CNTNAP2: variants seen among roughly 807,000 people sequenced by gnomAD.
CNTNAP2 encodes the protein contactin-associated protein-like 2.
Under a neutral mutation model 155.2 loss-of-function variants are expected in CNTNAP2, and 98 were observed. That is an observed-to-expected ratio of 0.63 (90% CI 0.54 to 0.75). The LOEUF (loss-of-function observed/expected upper bound fraction) is 0.75. Ranked by LOEUF, CNTNAP2 falls within the 30% of genes least tolerant of loss-of-function variation. The pLI, the probability that CNTNAP2 is intolerant of heterozygous loss-of-function variation, is 0.00. For synonymous variants in CNTNAP2, 651 were observed against 631.2 expected (o/e 1.03, Z -0.47); for missense variants, 1,727 against 1,688.1 (o/e 1.02, Z -0.40).
intron 1 of CNTNAP2, among the ~76,000 whole-genome samples, chr7:146,308,414 G>A (rs1165481171): frequency 6.6e-6 from 1 of 152,204 alleles, no homozygotes; most frequent in Non-Finnish European, 1.5e-5. Context: ...GTGGAAGACA[G>A]TGTGGCGATT....
intron 3 of CNTNAP2, among the ~76,000 whole-genome samples, chr7:146,904,443 C>A (rs1368869500): frequency 2.0e-4 from 30 of 152,122 alleles, no homozygotes; most frequent in Admixed American, 2.0e-3. Flanking sequence ...AGAAGACATT[C>A]AAACTTTGTT....
chr7:147,430,459 C>T (rs111372438), intron 10 of CNTNAP2, among the ~76,000 whole-genome samples: 3,231 of 152,234 alleles, frequency 0.021, 114 homozygotes, highest in African/African-American at 0.073. Flanking sequence ...AAAGTATTCT[C>T]AGAGGTACAT....
At chr7:147,949,855 G>T (rs780230242) in intron 14 of CNTNAP2, among the ~76,000 whole-genome samples, 20 of 152,070 alleles carry the variant, frequency 1.3e-4, no homozygotes, top group Non-Finnish European at 2.5e-4. Context: ...TTGAATTGAG[G>T]TCCAGGTAGA....
intron 12 of CNTNAP2, among the ~76,000 whole-genome samples, chr7:147,604,056 T>C (rs112005247): frequency 5.3e-5 from 8 of 151,740 alleles, no homozygotes; most frequent in Admixed American, 6.6e-5. Flanking sequence ...CCTTACACCT[T>C]ATACAAAAAT....
intron 1 of CNTNAP2, among the ~76,000 whole-genome samples, chr7:146,370,260 T>TAAAAAAA (rs34996621): frequency 5.7e-5 from 5 of 87,598 alleles, no homozygotes; most frequent in African/African-American, 2.6e-4. Context: ...ATCTCTACTT[T>TAAAAAAA]AAAAAAAAAA....
chr7:146,238,919 A>T (rs1359691620), intron 1 of CNTNAP2, among the ~76,000 whole-genome samples: 1 of 152,188 alleles, frequency 6.6e-6, no homozygotes. Flanking sequence ...AGCATGGGGG[A>T]AACCACGCCC....
chr7:147,535,147 C>T (rs1051033303), intron 11 of CNTNAP2, among the ~76,000 whole-genome samples: 3 of 152,210 alleles, frequency 2.0e-5, no homozygotes, highest in African/African-American at 7.2e-5. Context: ...AATCCCAGCA[C>T]TTTGAGAGGC....
intron 7 of CNTNAP2, among the ~76,000 whole-genome samples, chr7:147,129,789 A>G (rs1268374313): frequency 6.6e-6 from 1 of 152,198 alleles, no homozygotes; most frequent in East Asian, 1.9e-4. Flanking sequence ...TTCAGGTTGA[A>G]TATGGAAGGT....
intron 13 of CNTNAP2, among the ~76,000 whole-genome samples, chr7:147,717,504 C>T (rs1442277589): frequency 6.6e-6 from 1 of 152,044 alleles, no homozygotes; most frequent in Admixed American, 6.6e-5. Context: ...AGTAAAATGG[C>T]AGATCTGTAT....
chr7:147,346,777 T>C (rs972317670), intron 9 of CNTNAP2, among the ~76,000 whole-genome samples: 1 of 152,238 alleles, frequency 6.6e-6, no homozygotes, highest in Non-Finnish European at 1.5e-5. Flanking sequence ...AAAGAGTGGA[T>C]CTAGACTGAC....
At chr7:147,800,993 A>G (rs758693050) in intron 13 of CNTNAP2, among the ~76,000 whole-genome samples, 7 of 152,202 alleles carry the variant, frequency 4.6e-5, no homozygotes, top group Non-Finnish European at 7.3e-5. Flanking sequence ...AGTATGCTCT[A>G]TGATGGTCAT....
At chr7:147,939,802 T>A (rs199617452) in intron 14 of CNTNAP2, among the ~76,000 whole-genome samples, 2,304 of 151,588 alleles carry the variant, frequency 0.015, 28 homozygotes, top group African/African-American at 0.025. Context: ...TCTCTCTCTC[T>A]CACACACACA....
intron 6 of CNTNAP2, chr7:147,122,926 T>C (rs527488613): frequency 3.9e-5 from 6 of 152,228 alleles, no homozygotes; most frequent in African/African-American, 1.4e-4. Flanking sequence ...ATAAAATAAA[T>C]GGAAAAAACA....
chr7:147,273,391 A>C (rs1223707589), intron 8 of CNTNAP2, among the ~76,000 whole-genome samples: 5 of 152,110 alleles, frequency 3.3e-5, no homozygotes, highest in South Asian at 2.1e-4. Context: ...CAGAGGGTAC[A>C]TGTGCAGGCT....
chr7:147,268,135 A>G (rs1244754654), intron 8 of CNTNAP2, among the ~76,000 whole-genome samples: 1 of 152,186 alleles, frequency 6.6e-6, no homozygotes, highest in Non-Finnish European at 1.5e-5. Flanking sequence ...ATTTTTATAA[A>G]TGGTGTTTAA....
chr7:146,201,281 G>A (rs1156288308), intron 1 of CNTNAP2, among the ~76,000 whole-genome samples: 1 of 152,102 alleles, frequency 6.6e-6, no homozygotes, highest in Non-Finnish European at 1.5e-5. Flanking sequence ...GAAACCTGAT[G>A]TCATAGACCA....
In CNTNAP2 at chr7:148,415,895, C is replaced by G. The variant is rs987456; in HGVS notation, c.*279C>G. ...AAGCAATGGTTGAAATTTGTAGGTA[C>G]TATCTGTCTTATTTTGTGTGTGTTT... On this transcript the variant is annotated 3_prime_UTR_variant, in exon 24 of 24. Coordinates refer to ENST00000361727, the MANE Select transcript of CNTNAP2 (RefSeq NM_014141.6). 2 of 546,198 alleles carry G rather than the reference C, an allele frequency of 3.7e-6. No homozygotes were observed. Among genetic ancestry groups the G allele is most frequent in the African/African-American group, 1.9e-5 (1 of 52,792 alleles). The allele number at this position is 546,198 out of a possible 1,614,324, so 33.8% of individuals were successfully genotyped here. A position where few individuals can be genotyped will look rare whatever the true frequency, so the allele number is the denominator to read the frequency against.
At position 148,154,150 on chromosome 7, in the gene CNTNAP2, A is replaced by T. The variant is rs557651899; in HGVS notation, c.2773+6441A>T. Among the ~76,000 whole-genome samples, 10 of 152,256 alleles carry T rather than the reference A, an allele frequency of 6.6e-5. No individual in the cohort carries two copies. The South Asian group carries it at 2.1e-3, about 32-fold the overall frequency. On this transcript the variant is annotated intron_variant, in intron 17 of 23. Transcript: ENST00000361727. ...CAGTCCAAAAAGGAGTTGAAAAATCACCCTCAGTGCTTCAAGCTCTTTTGC... is the reference window on the plus strand; with the variant it reads ...CAGTCCAAAAAGGAGTTGAAAAATCTCCCTCAGTGCTTCAAGCTCTTTTGC...
intron 3 of CNTNAP2, among the ~76,000 whole-genome samples, chr7:147,023,037 G>C (rs545645909): frequency 6.6e-6 from 1 of 152,162 alleles, no homozygotes; most frequent in African/African-American, 2.4e-5. Context: ...ACTTGTCATA[G>C]GCCTGCCTTT....
Sources: gnomAD v4.1 joint callset for allele counts (sites outside exome capture counted in the v4.1 genomes callset) on GRCh38, gnomAD v4.1.1 for gene constraint, MANE v1.5 for transcripts, NCBI Gene and HGNC (gene_info 2026-07-23, HGNC 2026-07-21) for gene names.